The following GATAD2A variants were observed in gnomAD, a reference collection of about 807,000 sequenced individuals.
The protein encoded by GATAD2A is transcriptional repressor p66-alpha.
A neutral mutation model predicts 68.5 loss-of-function variants in GATAD2A; 12 were observed. The observed-to-expected ratio is 0.18, with a 90% CI of 0.11 to 0.28. The LOEUF (loss-of-function observed/expected upper bound fraction) is 0.28, where lower values mean the gene tolerates loss of function less well. Ranked by LOEUF, GATAD2A falls within the 10% of genes least tolerant of loss-of-function variation. The pLI is 1.00. For synonymous variants in GATAD2A, 410 were observed against 375.3 expected, an observed-to-expected ratio of 1.09 and a Z score of -1.07; for missense variants, 755 against 868.5, an observed-to-expected ratio of 0.87 and a Z score of 1.64.
intron 1 of GATAD2A, among the ~76,000 whole-genome samples, chr19:19,456,477 C>T (rs2056948881): frequency 6.6e-6 from 1 of 152,186 alleles, no homozygotes; most frequent in Admixed American, 6.5e-5. Flanking sequence ...AGCTGTGCTG[C>T]CCATATATCC....
chr19:19,466,125 G>C (rs1422359666), intron 2 of GATAD2A, among the ~76,000 whole-genome samples: 2 of 152,214 alleles, frequency 1.3e-5, no homozygotes, highest in Non-Finnish European at 2.9e-5. Context: ...CTGGTCTTTG[G>C]CTTGCTCTGT....
intron 2 of GATAD2A, among the ~76,000 whole-genome samples, chr19:19,481,089 AC>A (rs1359268096): frequency 1.3e-5 from 2 of 152,066 alleles, no homozygotes; most frequent in African/African-American, 4.8e-5. Flanking sequence ...TCCTTCCTCC[AC>A]CCTGCTTGAG....
chr19:19,421,806 TTC>T (rs1270642152), intron 1 of GATAD2A, among the ~76,000 whole-genome samples: 1 of 151,848 alleles, frequency 6.6e-6, no homozygotes, highest in Non-Finnish European at 1.5e-5. Context: ...TCTTCAGACC[TTC>T]TCTCTCTTTT....
chr19:19,423,536 C>T (rs2052693311), intron 1 of GATAD2A, among the ~76,000 whole-genome samples: 1 of 152,250 alleles, frequency 6.6e-6, no homozygotes, highest in South Asian at 2.1e-4. Context: ...GAATGCCCCC[C>T]TGAGCTGACC....
At chr19:19,485,292 G>A (rs1430876896) in intron 2 of GATAD2A, among the ~76,000 whole-genome samples, 1 of 152,242 alleles carries the variant, frequency 6.6e-6, no homozygotes, top group African/African-American at 2.4e-5. Flanking sequence ...GTGGTTTAAA[G>A]CAGCGAGGTA....
At position 19,505,767 on chromosome 19, in the gene GATAD2A, T is replaced by A. The variant is rs1370118482; in HGVS notation, c.*293T>A. On this transcript the variant is annotated 3_prime_UTR_variant, in exon 12 of 12. Transcript: ENST00000683918. ...AGTTTGCCCGACACCAGCAGAAAAG[T>A]GGACCTTGGGGGCTGGTTCTGCTCC... is the stretch of plus-strand genomic sequence containing the variant. The A allele has an allele frequency of 4.3e-6, 2 of 466,186 alleles. No homozygotes were observed. The highest frequency in any genetic ancestry group is 3.5e-5 in the East Asian group (1 of 28,222). 28.9% of individuals were successfully genotyped at this position (466,186 alleles called of 1,614,324 possible).
At chr19:19,419,803 G>A (rs1429838968) in intron 1 of GATAD2A, among the ~76,000 whole-genome samples, 9 of 151,794 alleles carry the variant, frequency 5.9e-5, no homozygotes, top group Non-Finnish European at 1.0e-4. Flanking sequence ...GTAAGTCACC[G>A]CCCTGGATGA....
chr19:19,471,124 C>T (rs964119380), intron 2 of GATAD2A, among the ~76,000 whole-genome samples: 3 of 151,994 alleles, frequency 2.0e-5, no homozygotes, highest in Non-Finnish European at 4.4e-5. Flanking sequence ...GGTGTGGTGG[C>T]GTGCACCTGT....
rs369132436 is a variant in GATAD2A at position 19,502,002 on chromosome 19, T to C, written c.1537T>C (p.Ser513Pro). 14 of 1,614,010 alleles carry C rather than the reference T, an allele frequency of 8.7e-6. 1 individual carries two copies. Among genetic ancestry groups the C allele is most frequent in the South Asian group, 3.3e-5 (3 of 91,086 alleles). The change falls in exon 10 of 12, where the codon TCA becomes CCA. Residue 513 changes from serine to proline, a missense_variant. By Grantham distance (74) the Ser-to-Pro change is moderately conservative. Transcript: ENST00000683918. The stretch of plus-strand genomic sequence containing the variant: ...ACCCCGGCGTAAGTTGGCGTTCCGC[T>C]CAGGAGAGGCCCGCGACTGGAGTAA... ...IKPRRKLAFRSGEARDWSNGA... is the reference protein window; with the variant it reads ...IKPRRKLAFRPGEARDWSNGA...
chr19:19,474,027 TC>T (rs2058501174), intron 2 of GATAD2A: 2 of 984,860 alleles, frequency 2.0e-6, no homozygotes, highest in Admixed American at 6.1e-5. Flanking sequence ...TATTGCTTCT[TC>T]CTAGACATCC....
intron 2 of GATAD2A, among the ~76,000 whole-genome samples, chr19:19,479,514 G>A (rs930891223): frequency 1.3e-5 from 2 of 152,092 alleles, no homozygotes; most frequent in South Asian, 2.1e-4. Context: ...ACAGTTTCTC[G>A]TACTTTCTTT....
intron 1 of GATAD2A, among the ~76,000 whole-genome samples, chr19:19,431,775 A>G (rs1034812752): frequency 2.6e-5 from 4 of 151,546 alleles, no homozygotes; most frequent in African/African-American, 9.7e-5. Context: ...ATCGGGCATC[A>G]GGCAGATACC....
At chr19:19,398,331 G>A (rs1340424013) in intron 1 of GATAD2A, among the ~76,000 whole-genome samples, 1 of 151,974 alleles carries the variant, frequency 6.6e-6, no homozygotes, top group Admixed American at 6.6e-5. Flanking sequence ...AGCCTCCCGA[G>A]TAGCTGAGAT....
chr19:19,393,173 C>T (rs1244698522), intron 1 of GATAD2A, among the ~76,000 whole-genome samples: 1 of 152,062 alleles, frequency 6.6e-6, no homozygotes, highest in Non-Finnish European at 1.5e-5. Flanking sequence ...CGTGGTGGCA[C>T]ATGCCTGTAA....
At chr19:19,495,702 A>C in intron 5 of GATAD2A, 52 bp from the exon 6 acceptor site, 1 of 1,524,024 alleles carries the variant, frequency 6.6e-7, no homozygotes, top group Middle Eastern at 1.8e-4. Context: ...GCTTTAAAAA[A>C]AGTGTGGGGG....
chr19:19,471,388 G>A (rs2058298998), intron 2 of GATAD2A, among the ~76,000 whole-genome samples: 1 of 152,004 alleles, frequency 6.6e-6, no homozygotes, highest in South Asian at 2.1e-4. Flanking sequence ...TCTCAGACTT[G>A]CCACGCTAAG....
At chr19:19,421,814 C>CT (rs1390370086) in intron 1 of GATAD2A, among the ~76,000 whole-genome samples, 77 of 146,604 alleles carry the variant, frequency 5.3e-4, no homozygotes, top group East Asian at 1.6e-3. Context: ...CCTTCTCTCT[C>CT]TTTTTTTTTT....
chr19:19,452,680 G>C (rs987444894), intron 1 of GATAD2A, among the ~76,000 whole-genome samples: 5 of 152,024 alleles, frequency 3.3e-5, no homozygotes, highest in African/African-American at 9.7e-5. Context: ...CCTGGGCTGG[G>C]GCTGGGCTGA....
At chr19:19,491,673 G>A (rs2059799828) in intron 2 of GATAD2A, among the ~76,000 whole-genome samples, 1 of 152,246 alleles carries the variant, frequency 6.6e-6, no homozygotes, top group African/African-American at 2.4e-5. Context: ...TGGGGCCCAA[G>A]AAGGGCCATC....
Sources: allele counts gnomAD v4.1 joint callset (sites outside exome capture counted in the v4.1 genomes callset), GRCh38; gene constraint gnomAD v4.1.1; transcripts MANE v1.5; gene names NCBI Gene and HGNC (gene_info 2026-07-23, HGNC 2026-07-21).